The following FHAD1 variants were observed in gnomAD, a reference collection of about 807,000 sequenced individuals.
The protein encoded by FHAD1 is forkhead associated phosphopeptide binding domain 1, also known as forkhead-associated domain-containing protein 1.
Under a neutral mutation model 191.3 loss-of-function variants are expected in FHAD1, and 146 were observed. That is an observed-to-expected ratio of 0.76 (90% CI 0.67 to 0.88). The LOEUF is 0.88. FHAD1 is among the 40% of genes least tolerant of loss of function. FHAD1 has a pLI of 0.00. For synonymous variants in FHAD1, 616 were observed against 672.3 expected (o/e 0.92, Z 1.29); for missense variants, 1,635 against 1,785.8 (o/e 0.92, Z 1.52).
chr1:15,374,796 G>A (rs1208772428), intron 27 of FHAD1, among the ~76,000 whole-genome samples, 165 bp downstream of exon 27: 2 of 151,480 alleles, frequency 1.3e-5, no homozygotes, highest in Non-Finnish European at 2.9e-5. Context: ...AGAGTCAAGT[G>A]CAGGCCTTGA....
At chr1:15,237,916 G>C (rs1644953742) in intron 1 of FHAD1, among the ~76,000 whole-genome samples, 1 of 152,152 alleles carries the variant, frequency 6.6e-6, no homozygotes, top group Non-Finnish European at 1.5e-5. Flanking sequence ...TCAGCAGCGA[G>C]CGATGGGGAT....
chr1:15,285,923 T>G (rs1159982201), intron 3 of FHAD1, among the ~76,000 whole-genome samples: 1 of 152,208 alleles, frequency 6.6e-6, no homozygotes, highest in African/African-American at 2.4e-5. Flanking sequence ...CTAAGGACAT[T>G]GTGCTAAGTG....
At chr1:15,394,555 C>T (rs992974895) in intron 33 of FHAD1, among the ~76,000 whole-genome samples, 1 of 152,050 alleles carries the variant, frequency 6.6e-6, no homozygotes, top group African/African-American at 2.4e-5. Flanking sequence ...TCTCAAAACA[C>T]GTTTGAGGCT....
At chr1:15,319,980 G>C (rs1185325236) in intron 10 of FHAD1, among the ~76,000 whole-genome samples, 3 of 152,294 alleles carry the variant, frequency 2.0e-5, no homozygotes, top group Non-Finnish European at 4.4e-5. Context: ...GAGTCAAAAT[G>C]CTCTCTGGGC....
At chr1:15,314,334 A>G (rs555970655) in intron 8 of FHAD1, 5 of 152,300 alleles carry the variant, frequency 3.3e-5, no homozygotes, top group South Asian at 2.1e-4. Flanking sequence ...CAGTGCCCCA[A>G]CTGGAGCTGG....
At chr1:15,242,230 C>T (rs894955321), upstream of FHAD1, among the ~76,000 whole-genome samples, 39 of 40,188 alleles carry the variant, frequency 9.7e-4, no homozygotes, top group Admixed American at 0.012. Context: ...AAGACTCCAT[C>T]TAAAAAAAAA....
intron 15 of FHAD1, among the ~76,000 whole-genome samples, chr1:15,340,456 C>T (rs990845344): frequency 6.6e-6 from 1 of 152,164 alleles, no homozygotes; most frequent in African/African-American, 2.4e-5. Flanking sequence ...TGGAGTGACT[C>T]AGCTCCCTGT....
At position 15,263,510 on chromosome 1, in the gene FHAD1, CTTTTTTTTTTTTT is replaced by C. The variant is rs771788861; in HGVS notation, c.94-8800_94-8788del. 5.3e-5 allele frequency among the ~76,000 whole-genome samples: 4 copies of C among 75,032 alleles called. No homozygotes were observed. The Admixed American group carries it at 5.5e-4, about 10-fold the overall frequency. The allele number at this position is 75,032 out of a possible 152,430, so 49.2% of individuals were successfully genotyped here. A position where few individuals can be genotyped will look rare whatever the true frequency, so the allele number is the denominator to read the frequency against. ...TGTAAGTTAAGGGTCCAGTTTTATT[CTTTTTTTTTTTTT>C]TTTTTTTTTTTTGTCTGAGACAGCG... On this transcript the variant is annotated intron_variant, in intron 2 of 33. Coordinates refer to ENST00000688493, the MANE Select transcript of FHAD1 (RefSeq NM_001391957.1).
chr1:15,397,683 T>A lies in FHAD1; in HGVS notation c.*270T>A, dbSNP rs540112169. ...CCCAGATGTCCAGGCCTGGTAGATA[T>A]AATTATGTGGTCCACGTTGGGTCAT... On this transcript the variant is annotated 3_prime_UTR_variant, in exon 34 of 34. Coordinates refer to ENST00000688493, the MANE Select transcript of FHAD1 (RefSeq NM_001391957.1). The A allele has an allele frequency of 8.3e-6, 2 of 240,516 alleles. No homozygotes were observed. The highest frequency in any genetic ancestry group is 5.5e-5 in the Admixed American group (1 of 18,328). The allele number at this position is 240,516 out of a possible 1,614,324, so 14.9% of individuals were successfully genotyped here.
intron 26 of FHAD1, among the ~76,000 whole-genome samples, chr1:15,369,810 A>C (rs1288823592): frequency 6.6e-6 from 1 of 152,012 alleles, no homozygotes; most frequent in Non-Finnish European, 1.5e-5. Context: ...TCGAATCCCA[A>C]CTCCTCCACT....
rs78349068 is a variant in FHAD1 at position 15,354,634 on chromosome 1, T to C, written c.2562+1650T>C. Among the ~76,000 whole-genome samples, 546 of 151,736 alleles carry C rather than the reference T, an allele frequency of 3.6e-3. 2 individuals carry two copies. Among genetic ancestry groups the C allele is most frequent in the African/African-American group, 0.012 (513 of 41,336 alleles). ...AAAGGAGAGGTTAAAGTTTTAAAAG[T>C]AGGTAAGTTGGGACATAAAAGGGAT... On this transcript the variant is annotated intron_variant, in intron 20 of 33. Coordinates refer to ENST00000688493, the MANE Select transcript of FHAD1 (RefSeq NM_001391957.1).
At chr1:15,284,478 CAAAAA>C (rs34856227) in intron 3 of FHAD1, among the ~76,000 whole-genome samples, 1 of 118,658 alleles carries the variant, frequency 8.4e-6, no homozygotes, top group Non-Finnish European at 1.7e-5. Context: ...GACTCCATCT[CAAAAA>C]AAAAAAAAAA....
At chr1:15,302,824 C>T (rs904978679) in intron 6 of FHAD1, among the ~76,000 whole-genome samples, 2 of 152,220 alleles carry the variant, frequency 1.3e-5, no homozygotes, top group Admixed American at 1.3e-4. Context: ...GCTGGTTAAA[C>T]TGTGGACATG....
At chr1:15,271,140 GAAA>G (rs543401814) in intron 2 of FHAD1, among the ~76,000 whole-genome samples, 1 of 76,682 alleles carries the variant, frequency 1.3e-5, no homozygotes, top group Non-Finnish European at 2.5e-5. Context: ...CTCCATCTCG[GAAA>G]AAAAAAAAAA....
Position 15,374,203 on chromosome 1 carries a change from C to G in FHAD1, c.3448-299C>G, listed in dbSNP as rs563829113. 1.2e-3 allele frequency among the ~76,000 whole-genome samples: 186 copies of G among 152,272 alleles called. 1 individual carries two copies. The highest frequency in any genetic ancestry group is 4.3e-3 in the African/African-American group (178 of 41,550). On this transcript the variant is annotated intron_variant, in intron 26 of 33. Transcript: ENST00000688493. ...TTGTTCAGAAACAAGACCAGCATGA[C>G]AGCGAATGGAAACCTAGGCATAGAA...
intron 33 of FHAD1, among the ~76,000 whole-genome samples, chr1:15,393,430 GCACACACA>G (rs57536175): frequency 5.5e-5 from 8 of 146,742 alleles, no homozygotes; most frequent in Non-Finnish European, 1.2e-4. Flanking sequence ...ACACACACAC[GCACACACA>G]CACACACACA....
Position 15,312,958 on chromosome 1 carries a change from C to A in FHAD1, c.1040-99C>A. The A allele has an allele frequency of 6.9e-7, 1 of 1,445,248 alleles. No homozygotes were observed. The highest frequency in any genetic ancestry group is 1.4e-5 in the South Asian group (1 of 73,412). 89.5% of individuals were successfully genotyped at this position (1,445,248 alleles called of 1,614,324 possible). A position where few individuals can be genotyped will look rare whatever the true frequency, so the allele number is the denominator to read the frequency against. The stretch of plus-strand genomic sequence containing the variant: ...CTCCTGGGATCCTTGGAGACACCTC[C>A]CTTCTCAGTGCCAGGCTCGTCACAA... On this transcript the variant is annotated intron_variant, in intron 7 of 33. Transcript: ENST00000688493. This position sits in a 1 kb window ranked among gnomAD's most constrained non-coding sequence, Gnocchi z 4.7.
intron 20 of FHAD1, chr1:15,357,841 A>G: frequency 3.1e-6 from 1 of 319,376 alleles, no homozygotes; most frequent in African/African-American, 2.2e-5. Flanking sequence ...GTCTCATAAA[A>G]GAGAAATAAA....
chr1:15,303,274 A>G (rs780978619), intron 6 of FHAD1, among the ~76,000 whole-genome samples: 5 of 152,202 alleles, frequency 3.3e-5, no homozygotes, highest in African/African-American at 7.2e-5. Flanking sequence ...AGCTGGTCCT[A>G]TAGGAAATAC....
Sources: allele counts gnomAD v4.1 joint callset (sites outside exome capture counted in the v4.1 genomes callset), GRCh38; gene constraint gnomAD v4.1.1; non-coding constraint Gnocchi (gnomAD v3.1); transcripts MANE v1.5; gene names NCBI Gene and HGNC (gene_info 2026-07-23, HGNC 2026-07-21).